Variants in ARHGAP26 observed in about 807,000 individuals in gnomAD.
ARHGAP26 encodes Rho GTPase activating protein 26.
ARHGAP26 carries 38 observed loss-of-function variants against 104.8 expected under a neutral mutation model. The observed-to-expected ratio is 0.36, with a 90% confidence interval of 0.28 to 0.48. The LOEUF (loss-of-function observed/expected upper bound fraction) is 0.48, where lower values mean the gene tolerates loss of function less well. Ranked by LOEUF, ARHGAP26 falls within the 20% of genes least tolerant of loss-of-function variation. The pLI, the probability that ARHGAP26 is intolerant of heterozygous loss-of-function variation, is 0.99. For missense variants in ARHGAP26, 704 were observed against 947.9 expected (o/e 0.74, Z 3.38); for synonymous variants, 341 against 340.0 (o/e 1.00, Z -0.03).
rs192153833 is a variant in ARHGAP26, at chr5:142,977,126, A to G, written c.1108-36954A>G. Among the ~76,000 whole-genome samples, 338 of 152,300 alleles carry G rather than the reference A, an allele frequency of 2.2e-3. 3 individuals carry two copies. The highest frequency in any genetic ancestry group is 7.6e-3 in the African/African-American group (315 of 41,574). ...TGAGGGAAGGAGTACACTAAAGGAA[A>G]ATTGAGAAGTTTTAGTTAGAAAGTG... On this transcript the variant is annotated intron_variant, in intron 11 of 22. Transcript: ENST00000645722.
At chr5:143,193,235 C>CTTT (rs1806205884) in intron 20 of ARHGAP26, among the ~76,000 whole-genome samples, 1 of 97,238 alleles carries the variant, frequency 1.0e-5, no homozygotes, top group Admixed American at 1.0e-4. Context: ...TGCTTATTTT[C>CTTT]TTTTCTTTTT....
At chr5:142,989,802 A>T (rs1276005742) in intron 11 of ARHGAP26, among the ~76,000 whole-genome samples, 1 of 152,188 alleles carries the variant, frequency 6.6e-6, no homozygotes, top group African/African-American at 2.4e-5. Context: ...TCTGACTTGT[A>T]GAGTTTCTGC....
chr5:143,165,654 G>A (rs1463532617), intron 20 of ARHGAP26, among the ~76,000 whole-genome samples: 2 of 152,124 alleles, frequency 1.3e-5, no homozygotes, highest in East Asian at 1.9e-4. Flanking sequence ...GGCTTCTAAT[G>A]TACCCATCAC....
intron 1 of ARHGAP26, among the ~76,000 whole-genome samples, chr5:142,818,766 A>T (rs2152063327): frequency 6.6e-6 from 1 of 152,264 alleles, no homozygotes; most frequent in South Asian, 2.1e-4. Context: ...GTTTGTCGTC[A>T]TTGTTTCCCC....
intron 17 of ARHGAP26, among the ~76,000 whole-genome samples, chr5:143,084,086 T>C (rs1004261275): frequency 1.3e-5 from 2 of 152,184 alleles, no homozygotes; most frequent in African/African-American, 4.8e-5. Flanking sequence ...GCATTCAAAG[T>C]GTGGTCAAAA....
chr5:142,950,769 A>C (rs755563782), intron 11 of ARHGAP26, among the ~76,000 whole-genome samples: 1 of 152,220 alleles, frequency 6.6e-6, no homozygotes, highest in Non-Finnish European at 1.5e-5. Flanking sequence ...CACAACACAA[A>C]GATGACTATA....
intron 18 of ARHGAP26, 115 bp from the exon 19 acceptor site, chr5:143,133,852 G>T: frequency 9.7e-7 from 1 of 1,030,644 alleles, no homozygotes; most frequent in Non-Finnish European, 1.3e-6. Flanking sequence ...TGGTCTTCTC[G>T]GATCTTTTCT....
chr5:143,027,818 A>AATC (rs1469551046), intron 12 of ARHGAP26, among the ~76,000 whole-genome samples: 3 of 152,162 alleles, frequency 2.0e-5, no homozygotes, highest in African/African-American at 7.2e-5. Flanking sequence ...TGGTGGTAAT[A>AATC]ATCTTAATTG....
rs771697394 is a variant in ARHGAP26 at position 143,133,979 on chromosome 5, G to A, written c.1711G>A (p.Val571Met). 9.1e-5 allele frequency: 147 copies of A among 1,609,904 alleles called. No homozygotes were observed. Among genetic ancestry groups the A allele is most frequent in the Admixed American group, 2.5e-4 (15 of 59,580 alleles). ...ACTTCGTTTGCAGATATTTAACACC[G>A]TGCCCGATATGCCTCTCACCAATGC... ...IENHEKIFNT[V>M]PDMPLTNAQL... Residue 571 changes from valine to methionine, a missense_variant, in exon 19 of 23, where the codon GTG becomes ATG. By Grantham distance (21) the Val-to-Met change is conservative (BLOSUM62 1). Coordinates refer to ENST00000645722, the MANE Select transcript of ARHGAP26 (RefSeq NM_001135608.3).
chr5:142,890,136 T>TAAAAAAAAAAAAAAA lies in ARHGAP26; in HGVS notation c.487-4100_487-4086dup, dbSNP rs1162535877. ...GGGTAACAAGAGCGAAACTCCGTCT[T>TAAAAAAAAAAAAAAA]AAAAAAAAAAAAAAAATATATATAT... is the stretch of plus-strand genomic sequence containing the variant. On this transcript the variant is annotated intron_variant, in intron 5 of 22. Coordinates refer to ENST00000645722, the MANE Select transcript of ARHGAP26 (RefSeq NM_001135608.3). Among the ~76,000 whole-genome samples, 6 of 29,206 alleles carry TAAAAAAAAAAAAAAA rather than the reference T, an allele frequency of 2.1e-4. 1 individual carries two copies. The highest frequency in any genetic ancestry group is 8.9e-4 in the African/African-American group (5 of 5,610). The allele number at this position is 29,206 out of a possible 152,430, so 19.2% of individuals were successfully genotyped here.
intron 20 of ARHGAP26, among the ~76,000 whole-genome samples, chr5:143,155,566 C>T (rs1386855306): frequency 6.6e-6 from 1 of 152,076 alleles, no homozygotes; most frequent in Non-Finnish European, 1.5e-5. Flanking sequence ...ACTTGGTGAC[C>T]CAGCAGGGTT....
intron 17 of ARHGAP26, among the ~76,000 whole-genome samples, chr5:143,077,917 C>T (rs1215420883): frequency 6.6e-6 from 1 of 152,140 alleles, no homozygotes; most frequent in Non-Finnish European, 1.5e-5. Flanking sequence ...CTCCCCCAAC[C>T]CTGGTTTCCA....
intron 1 of ARHGAP26, among the ~76,000 whole-genome samples, chr5:142,825,734 A>G (rs1410299244): frequency 2.0e-5 from 3 of 152,382 alleles, no homozygotes; most frequent in African/African-American, 7.2e-5. Context: ...AAGAGCCGAT[A>G]TTCCGAAGCA....
At chr5:142,806,623 A>G (rs1275332252) in intron 1 of ARHGAP26, among the ~76,000 whole-genome samples, 1 of 152,134 alleles carries the variant, frequency 6.6e-6, no homozygotes, top group East Asian at 1.9e-4. Context: ...ATTTTCTTAC[A>G]TTATTGTGTA....
At chr5:143,131,223 C>CT (rs1797316544) in intron 18 of ARHGAP26, among the ~76,000 whole-genome samples, 1 of 152,202 alleles carries the variant, frequency 6.6e-6, no homozygotes, top group East Asian at 1.9e-4. Context: ...TTTCACGCAT[C>CT]TGTCTAAAGC....
rs568149651 is a variant in ARHGAP26, at chr5:142,901,233, C to G, written c.598-702C>G. Among the ~76,000 whole-genome samples the G allele has an allele frequency of 1.2e-4, 18 of 152,192 alleles. No individual in the cohort carries two copies. The East Asian group carries it at 2.1e-3, about 18-fold the overall frequency. ...GCATTGTGGTGAACAGATGTTTTTA[C>G]CATTCACTAAAGACAAGACTAAACA... On this transcript the variant is annotated intron_variant, in intron 6 of 22. Transcript: ENST00000645722.
chr5:143,013,443 T>C (rs768967637), intron 11 of ARHGAP26, among the ~76,000 whole-genome samples: 1 of 152,236 alleles, frequency 6.6e-6, no homozygotes, highest in Non-Finnish European at 1.5e-5. Flanking sequence ...GTACTTTCCC[T>C]TTTTGTGATT....
chr5:143,163,349 T>TC (rs1801501121), intron 20 of ARHGAP26, among the ~76,000 whole-genome samples: 2 of 152,270 alleles, frequency 1.3e-5, no homozygotes, highest in African/African-American at 4.8e-5. Flanking sequence ...TTTCCCTAGT[T>TC]CGTTTTCTAG....
At chr5:143,126,420 G>A (rs2150838208) in intron 18 of ARHGAP26, among the ~76,000 whole-genome samples, 1 of 152,308 alleles carries the variant, frequency 6.6e-6, no homozygotes, top group South Asian at 2.1e-4. Flanking sequence ...GCTCTCAGAA[G>A]TTTCCAAGTG....
Sources: allele counts gnomAD v4.1 joint callset (sites outside exome capture counted in the v4.1 genomes callset), GRCh38; gene constraint gnomAD v4.1.1; transcripts MANE v1.5; gene names NCBI Gene and HGNC (gene_info 2026-07-23, HGNC 2026-07-21).